The following KIF13B variants were observed in gnomAD, a reference collection of about 807,000 sequenced individuals.
KIF13B encodes kinesin-like protein KIF13B.
KIF13B carries 127 observed loss-of-function variants against 222.0 expected under a neutral mutation model. The observed-to-expected ratio is 0.57, with a 90% confidence interval of 0.50 to 0.66. The LOEUF (loss-of-function observed/expected upper bound fraction) is 0.66, where lower values mean the gene tolerates loss of function less well. Among genes scored for constraint, KIF13B ranks in the 30% least tolerant of loss-of-function variants. The pLI, the probability that KIF13B is intolerant of heterozygous loss-of-function variation, is 0.00. For synonymous variants in KIF13B, 976 were observed against 919.0 expected, an observed-to-expected ratio of 1.06 and a Z score of -1.12; for missense variants, 2,173 against 2,379.0, an observed-to-expected ratio of 0.91 and a Z score of 1.80.
rs1298125778 is a variant in KIF13B at position 29,147,588 on chromosome 8, T to C, written c.1828A>G (p.Ile610Val). ...TGCTGTTGTTCTAAGCTGTTTAATA[T>C]GGACTGCATCGGATCTAAACACATT... ...ALGSNDPMQS[I>V]LNSLEQQHEE... The change falls in exon 17 of 40, where the codon ATA becomes GTA. Residue 610 changes from isoleucine to valine, a missense_variant. By Grantham distance (29) the Ile-to-Val change is conservative (BLOSUM62 3). Around this residue, in one of 2 missense-constraint regions of KIF13B, gnomAD observed 1,480 missense variants for 1,722.8 expected, o/e 0.86. Coordinates refer to ENST00000524189, the MANE Select transcript of KIF13B (RefSeq NM_015254.4). The C allele has an allele frequency of 6.2e-7, 1 of 1,611,552 alleles. No homozygotes were observed. Among genetic ancestry groups the C allele is most frequent in the African/African-American group, 1.3e-5 (1 of 75,038 alleles).
At chr8:29,157,258 T>C (rs543694813) in intron 13 of KIF13B, among the ~76,000 whole-genome samples, 1 of 151,730 alleles carries the variant, frequency 6.6e-6, no homozygotes. Context: ...CCATCCCCTA[T>C]TTAAAACCTT....
chr8:29,109,416 T>A lies in KIF13B; in HGVS notation c.4161+18A>T, dbSNP rs769448551. 1 of 1,596,388 alleles carries A rather than the reference T, an allele frequency of 6.3e-7. No individual in the cohort carries two copies. Among genetic ancestry groups the A allele is most frequent in the South Asian group, 1.1e-5 (1 of 90,730 alleles). On this transcript the variant is annotated intron_variant, in intron 34 of 39. Transcript: ENST00000524189. The stretch of plus-strand genomic sequence containing the variant: ...AGAAGTCCCAGGCACAGCACAGAGC[T>A]TGGTTCCACACACTCACTCTGTTCA...
chr8:29,203,632 C>T (rs1813796310), intron 2 of KIF13B, among the ~76,000 whole-genome samples: 3 of 152,138 alleles, frequency 2.0e-5, no homozygotes, highest in African/African-American at 7.2e-5. Flanking sequence ...GTGGCTCACG[C>T]CTGTAATCCC....
At chr8:29,250,961 G>A (rs764603139) in intron 1 of KIF13B, among the ~76,000 whole-genome samples, 49 of 152,134 alleles carry the variant, frequency 3.2e-4, no homozygotes, top group Non-Finnish European at 6.6e-4. Context: ...CAGTGGCGTA[G>A]ACAACATGGT....
chr8:29,145,000 C>G (rs1344439683), intron 18 of KIF13B, among the ~76,000 whole-genome samples: 1 of 152,140 alleles, frequency 6.6e-6, no homozygotes, highest in South Asian at 2.1e-4. Flanking sequence ...TTTCAGGTTT[C>G]TGCTTTTTTC....
intron 1 of KIF13B, among the ~76,000 whole-genome samples, 166 bp from the exon 2 acceptor site, chr8:29,245,605 C>G (rs1046334247): frequency 4.6e-5 from 7 of 152,148 alleles, no homozygotes; most frequent in Non-Finnish European, 1.0e-4. Context: ...CCAACAAAAA[C>G]CCACAGCTAA....
Position 29,180,138 on chromosome 8 carries a change from G to A in KIF13B, c.686C>T (p.Thr229Ile), listed in dbSNP as rs756100272. 1 of 1,613,964 alleles carries A rather than the reference G, an allele frequency of 6.2e-7. No homozygotes were observed. Among genetic ancestry groups the A allele is most frequent in the Non-Finnish European group, 8.5e-7 (1 of 1,179,876 alleles). Reference protein sequence around the residue: ...SSRSHAVFKITLTHTLYDVKS... With the variant: ...SSRSHAVFKIILTHTLYDVKS... Reference sequence around the variant, plus strand: ...CACATCGTAGAGAGTATGTGTGAGGGTGATTTTGAAAACTGCATGGGATCG... The same window carrying A: ...CACATCGTAGAGAGTATGTGTGAGGATGATTTTGAAAACTGCATGGGATCG... The change falls in exon 8 of 40, where the codon ACC becomes ATC. Residue 229 changes from threonine to isoleucine, a missense_variant. Around this residue, in one of 2 missense-constraint regions of KIF13B, gnomAD observed 1,480 missense variants for 1,722.8 expected, o/e 0.86. Transcript: ENST00000524189.
chr8:29,231,342 T>C (rs1057182778), intron 2 of KIF13B, among the ~76,000 whole-genome samples: 3 of 152,234 alleles, frequency 2.0e-5, no homozygotes, highest in Admixed American at 6.5e-5. Flanking sequence ...TATATAACTA[T>C]ATTAAAATGA....
intron 1 of KIF13B, among the ~76,000 whole-genome samples, chr8:29,261,313 T>A (rs889098855): frequency 1.5e-4 from 23 of 152,196 alleles, no homozygotes; most frequent in Non-Finnish European, 2.6e-4. Context: ...ACCTTATCAA[T>A]GGCAATTTAT....
rs1355460070 is a variant in KIF13B at position 29,071,307 on chromosome 8, T to C, written c.5218+313A>G. Among the ~76,000 whole-genome samples the C allele has an allele frequency of 2.6e-5, 4 of 151,804 alleles. No homozygotes were observed. Among genetic ancestry groups the C allele is most frequent in the Non-Finnish European group, 4.4e-5 (3 of 67,946 alleles). The stretch of plus-strand genomic sequence containing the variant: ...AGGGGAGATGCTCTAAGGTGAAGGA[T>C]GAGAAAGCAGAGCCCAGGGAGTGCA... On this transcript the variant is annotated intron_variant, in intron 39 of 39. Coordinates refer to ENST00000524189, the MANE Select transcript of KIF13B (RefSeq NM_015254.4). The surrounding 1 kb of genome is among the most constrained non-coding windows in gnomAD (Gnocchi z 4.9).
chr8:29,228,188 G>A (rs1018395864), intron 2 of KIF13B, among the ~76,000 whole-genome samples: 4 of 151,170 alleles, frequency 2.6e-5, no homozygotes, highest in Admixed American at 6.6e-5. Flanking sequence ...AATATGGGCC[G>A]GGCTCAGTGG....
intron 2 of KIF13B, among the ~76,000 whole-genome samples, chr8:29,216,902 A>G (rs1814508201): frequency 6.6e-6 from 1 of 152,054 alleles, no homozygotes; most frequent in Admixed American, 6.5e-5. Context: ...AATCTTGCCT[A>G]GAGGAAACCT....
At chr8:29,109,782 C>A (rs892764949) in intron 33 of KIF13B, 136 bp downstream of exon 33, 1 of 878,668 alleles carries the variant, frequency 1.1e-6, no homozygotes, top group Admixed American at 2.8e-5. Flanking sequence ...ATTACAATCA[C>A]TCTGGATTAT....
chr8:29,250,252 G>A (rs10108256), intron 1 of KIF13B, among the ~76,000 whole-genome samples: 8,887 of 152,136 alleles, frequency 0.058, 332 homozygotes, highest in Admixed American at 0.097. Flanking sequence ...GAAAAAAATG[G>A]GTGGTTCATC....
chr8:29,194,396 A>T (rs1813328632), intron 3 of KIF13B, among the ~76,000 whole-genome samples: 1 of 151,606 alleles, frequency 6.6e-6, no homozygotes, highest in Non-Finnish European at 1.5e-5. Context: ...ACCATAATGG[A>T]GCTAAGCCTG....
chr8:29,206,593 C>T (rs1403678025), intron 2 of KIF13B, among the ~76,000 whole-genome samples: 1 of 152,134 alleles, frequency 6.6e-6, no homozygotes. Context: ...TGGTTTTCAC[C>T]TTGAAATGTC....
intron 25 of KIF13B, 130 bp downstream of exon 25, chr8:29,126,992 A>C: frequency 1.2e-6 from 1 of 860,604 alleles, no homozygotes; most frequent in Non-Finnish European, 1.8e-6. Flanking sequence ...GACACAAAAA[A>C]AGACAGCAAA....
At chr8:29,247,714 G>A (rs1325346801) in intron 1 of KIF13B, among the ~76,000 whole-genome samples, 3 of 151,538 alleles carry the variant, frequency 2.0e-5, no homozygotes, top group Non-Finnish European at 4.4e-5. Flanking sequence ...GGAGCCTATG[G>A]TCCCAGCTAC....
At chr8:29,220,726 G>A (rs1386394241) in intron 2 of KIF13B, among the ~76,000 whole-genome samples, 1 of 152,160 alleles carries the variant, frequency 6.6e-6, no homozygotes. Flanking sequence ...AAGGTGGCTT[G>A]TAAAAGAGCG....
Sources: allele counts gnomAD v4.1 joint callset (sites outside exome capture counted in the v4.1 genomes callset), GRCh38; gene constraint gnomAD v4.1.1; regional missense constraint gnomAD v4.1.1; non-coding constraint Gnocchi (gnomAD v3.1); transcripts MANE v1.5; gene names NCBI Gene and HGNC (gene_info 2026-07-23, HGNC 2026-07-21).